CSMD1: variants seen among roughly 807,000 people sequenced by gnomAD.
CSMD1 encodes the protein CUB and Sushi multiple domains 1, also known as CUB and sushi domain-containing protein 1.
In CSMD1, 213 loss-of-function variants were observed where a neutral mutation model predicts 417.5. The observed-to-expected ratio is 0.51, with a 90% CI of 0.46 to 0.57. CSMD1 has a LOEUF of 0.57. CSMD1 is among the 20% of genes least tolerant of loss of function. The probability of loss-of-function intolerance (pLI) is 0.00; values close to 1 mark genes in which losing one functional copy is unlikely to be tolerated. For synonymous variants in CSMD1, 2,862 were observed against 1,736.8 expected (o/e 1.65, Z -16.11); for missense variants, 6,923 against 4,529.7 (o/e 1.53, Z -15.17).
At chr8:3,063,932 A>G (rs1399965752) in intron 49 of CSMD1, among the ~76,000 whole-genome samples, 3 of 152,194 alleles carry the variant, frequency 2.0e-5, no homozygotes, top group African/African-American at 7.2e-5. Context: ...TAATGTACTT[A>G]ACACCACTGA....
At chr8:3,828,109 T>C (rs1022399333) in intron 5 of CSMD1, among the ~76,000 whole-genome samples, 48 of 152,210 alleles carry the variant, frequency 3.2e-4, no homozygotes, top group African/African-American at 9.4e-4. Flanking sequence ...AGCATGTTAA[T>C]AGCCCATATG....
intron 1 of CSMD1, among the ~76,000 whole-genome samples, chr8:4,852,298 G>C (rs1197377107): frequency 6.6e-6 from 1 of 152,148 alleles, no homozygotes; most frequent in Non-Finnish European, 1.5e-5. Flanking sequence ...TGTGGGAGCT[G>C]ATCCCTCATA....
intron 1 of CSMD1, among the ~76,000 whole-genome samples, chr8:4,700,280 G>A (rs1047201655): frequency 2.6e-5 from 4 of 151,970 alleles, no homozygotes; most frequent in African/African-American, 7.2e-5. Flanking sequence ...CTCAAATTTT[G>A]TGAGTATTAT....
At chr8:4,021,807 A>G (rs754143637) in intron 4 of CSMD1, among the ~76,000 whole-genome samples, 2 of 152,188 alleles carry the variant, frequency 1.3e-5, no homozygotes. Flanking sequence ...ATAAAACTAA[A>G]TTAAAGAAAC....
intron 3 of CSMD1, among the ~76,000 whole-genome samples, chr8:4,182,890 T>C (rs1443284502): frequency 6.6e-6 from 1 of 152,122 alleles, no homozygotes; most frequent in Admixed American, 6.6e-5. Context: ...AACTGTATGT[T>C]TGAATGGGAG....
At chr8:3,257,708 G>T (rs903253647) in intron 26 of CSMD1, among the ~76,000 whole-genome samples, 2 of 152,122 alleles carry the variant, frequency 1.3e-5, no homozygotes, top group Admixed American at 1.3e-4. Flanking sequence ...CTAAACGGTG[G>T]GCCTAGAGCC....
chr8:3,012,481 C>T (rs1336742763), intron 52 of CSMD1, among the ~76,000 whole-genome samples: 8 of 151,998 alleles, frequency 5.3e-5, no homozygotes, highest in East Asian at 3.9e-4. Flanking sequence ...AGTCATGTTG[C>T]GATGAAACTG....
chr8:4,836,071 G>GT (rs1292743775), intron 1 of CSMD1, among the ~76,000 whole-genome samples: 1 of 152,030 alleles, frequency 6.6e-6, no homozygotes, highest in Non-Finnish European at 1.5e-5. Context: ...TAGAATATTG[G>GT]ACATACACAA....
At chr8:3,858,673 CTT>C (rs35672053) in intron 5 of CSMD1, among the ~76,000 whole-genome samples, 4 of 149,770 alleles carry the variant, frequency 2.7e-5, no homozygotes, top group East Asian at 2.0e-4. Flanking sequence ...TTCAGGAGAA[CTT>C]TTTTTTTTTC....
At chr8:3,939,989 C>G (rs1810766045) in intron 5 of CSMD1, among the ~76,000 whole-genome samples, 1 of 152,056 alleles carries the variant, frequency 6.6e-6, no homozygotes, top group Non-Finnish European at 1.5e-5. Flanking sequence ...CAAAAACCAC[C>G]TGTACCCCAA....
In CSMD1 at chr8:3,818,395, T is replaced by G. The variant is rs181447121; in HGVS notation, c.819-64353A>C. 3.9e-5 allele frequency among the ~76,000 whole-genome samples: 6 copies of G among 152,292 alleles called. No individual in the cohort carries two copies. In the East Asian group the frequency reaches 1.2e-3, roughly 29 times the overall value. On this transcript the variant is annotated intron_variant, in intron 5 of 69. Coordinates refer to ENST00000635120, the MANE Select transcript of CSMD1 (RefSeq NM_033225.6). ...AAATGTTTACTCTTGGAGGGAAATC[T>G]GAGTTTCAGAAAACAGCACCAAACA...
intron 1 of CSMD1, among the ~76,000 whole-genome samples, chr8:4,968,263 C>CT (rs1554535119): frequency 1.3e-5 from 2 of 151,802 alleles, no homozygotes; most frequent in East Asian, 1.9e-4. Flanking sequence ...GGAGAGCTAA[C>CT]TACAAAGTCT....
intron 1 of CSMD1, among the ~76,000 whole-genome samples, chr8:4,964,993 C>A (rs2117352183): frequency 6.6e-6 from 1 of 152,252 alleles, no homozygotes; most frequent in South Asian, 2.1e-4. Flanking sequence ...TGGGTCACTT[C>A]TTCACTTCAA....
chr8:4,162,390 T>A (rs1797225978), intron 3 of CSMD1, among the ~76,000 whole-genome samples: 1 of 152,186 alleles, frequency 6.6e-6, no homozygotes, highest in African/African-American at 2.4e-5. Context: ...GGTTTTATCT[T>A]GACAGTAAAT....
rs73660824 is a variant in CSMD1 at position 4,443,838 on chromosome 8, G to A, written c.303-23773C>T. ...ATATGGTGATCACAGTGTTAGTAACGAACTTCTGGGTAACAAAGTTGACAT... is the reference window on the plus strand; with the variant it reads ...ATATGGTGATCACAGTGTTAGTAACAAACTTCTGGGTAACAAAGTTGACAT... On this transcript the variant is annotated intron_variant, in intron 2 of 69. Transcript: ENST00000635120. 9.5e-3 allele frequency among the ~76,000 whole-genome samples: 1,440 copies of A among 152,224 alleles called. 12 individuals are homozygous for A. Among genetic ancestry groups the A allele is most frequent in the African/African-American group, 0.018 (744 of 41,552 alleles).
intron 2 of CSMD1, among the ~76,000 whole-genome samples, chr8:4,494,545 A>T (rs983856884): frequency 6.6e-6 from 1 of 152,206 alleles, no homozygotes; most frequent in Non-Finnish European, 1.5e-5. Context: ...ACATTATTGG[A>T]GATTTATCTG....
At chr8:4,732,008 A>C (rs1809904995) in intron 1 of CSMD1, among the ~76,000 whole-genome samples, 1 of 152,184 alleles carries the variant, frequency 6.6e-6, no homozygotes, top group Non-Finnish European at 1.5e-5. Context: ...AAAAACGAGA[A>C]GACTGAGGAG....
rs33939239 is a variant in CSMD1, at chr8:3,520,020, C to CTATATATATATATATATATA, written c.1345-26314_1345-26295dup. Among the ~76,000 whole-genome samples the CTATATATATATATATATATA allele has an allele frequency of 1.1e-3, 154 of 137,554 alleles. 1 individual carries two copies. Among genetic ancestry groups the CTATATATATATATATATATA allele is most frequent in the African/African-American group, 4.4e-3 (149 of 33,842 alleles). The allele number at this position is 137,554 out of a possible 152,430, so 90.2% of individuals were successfully genotyped here. A position where few individuals can be genotyped will look rare whatever the true frequency, so the allele number is the denominator to read the frequency against. ...TATATATGTGTGTGTGTGTATATAC[C>CTATATATATATATATATATA]TATATATATATATATATATACACGT... On this transcript the variant is annotated intron_variant, in intron 10 of 69. Transcript: ENST00000635120.
chr8:3,695,837 G>C (rs1800524202), intron 7 of CSMD1, among the ~76,000 whole-genome samples: 1 of 152,054 alleles, frequency 6.6e-6, no homozygotes, highest in African/African-American at 2.4e-5. Context: ...AGCATTATTT[G>C]TTTCATTTCA....
Sources: gnomAD v4.1 joint callset for allele counts (sites outside exome capture counted in the v4.1 genomes callset) on GRCh38, gnomAD v4.1.1 for gene constraint, MANE v1.5 for transcripts, NCBI Gene and HGNC (gene_info 2026-07-23, HGNC 2026-07-21) for gene names.